The following TSHZ3 variants were observed in gnomAD, a reference collection of about 807,000 sequenced individuals.
The protein encoded by TSHZ3 is teashirt zinc finger homeobox 3, also known as teashirt homolog 3.
TSHZ3 carries 10 observed loss-of-function variants against 64.5 expected under a neutral mutation model. The observed-to-expected ratio is 0.16, with a 90% CI of 0.10 to 0.26. TSHZ3 has a LOEUF of 0.26. Among genes scored for constraint, TSHZ3 ranks in the 10% least tolerant of loss-of-function variants. TSHZ3 has a pLI of 1.00. For missense variants in TSHZ3, 1,242 were observed against 1,421.7 expected (o/e 0.87, Z 2.03); for synonymous variants, 608 against 593.1 (o/e 1.03, Z -0.36).
intron 1 of TSHZ3, among the ~76,000 whole-genome samples, chr19:31,337,008 T>C (rs1301456421): frequency 2.4e-5 from 3 of 125,456 alleles, no homozygotes. Flanking sequence ...TTTTTCTTTT[T>C]TTCTATTTTT....
At chr19:31,289,197 A>G (rs1236216091) in intron 1 of TSHZ3, among the ~76,000 whole-genome samples, 1 of 152,208 alleles carries the variant, frequency 6.6e-6, no homozygotes, top group African/African-American at 2.4e-5. Context: ...TCTGGGAGGC[A>G]CGGCCAGGGG....
chr19:31,198,197 T>C (rs1206966683), intron 5 of TSHZ3, among the ~76,000 whole-genome samples: 1 of 151,970 alleles, frequency 6.6e-6, no homozygotes, highest in Admixed American at 6.6e-5. Flanking sequence ...AGAATAAAAC[T>C]CACAAGACCA....
chr19:31,300,632 C>T (rs938554961), intron 1 of TSHZ3, among the ~76,000 whole-genome samples: 7 of 152,190 alleles, frequency 4.6e-5, no homozygotes, highest in Non-Finnish European at 7.3e-5. Context: ...CCAGGTCCCA[C>T]AGCGTGCATG....
intron 1 of TSHZ3, among the ~76,000 whole-genome samples, chr19:31,338,532 A>ATATTGTGC (rs1308390416): frequency 1.3e-5 from 2 of 148,528 alleles, no homozygotes; most frequent in East Asian, 4.0e-4. Flanking sequence ...TTTAATAGTT[A>ATATTGTGC]TATTGTGCTA....
Position 31,185,990 on chromosome 19 carries a change from C to T in TSHZ3, n.809+18966G>A, listed in dbSNP as rs906874550. Reference sequence around the variant, plus strand: ...ACAATGTTTCTGTGGCTCTCTGTTGCGCATAACCATAGGCCACTCATTTCT... The same window carrying T: ...ACAATGTTTCTGTGGCTCTCTGTTGTGCATAACCATAGGCCACTCATTTCT... On this transcript the variant is annotated intron_variant and non_coding_transcript_variant, in intron 5 of 6. Coordinates refer to the TSHZ3 transcript ENST00000651361. 8.5e-5 allele frequency among the ~76,000 whole-genome samples: 13 copies of T among 152,288 alleles called. No homozygotes were observed. The East Asian group carries it at 9.7e-4, about 11-fold the overall frequency.
intron 1 of TSHZ3, among the ~76,000 whole-genome samples, chr19:31,340,123 G>A (rs1467568367): frequency 1.3e-5 from 2 of 151,824 alleles, no homozygotes; most frequent in African/African-American, 4.8e-5. Flanking sequence ...TTAGCTCACT[G>A]CCAGGGTGGC....
intron 1 of TSHZ3, among the ~76,000 whole-genome samples, chr19:31,348,392 G>A (rs550732765): frequency 6.7e-6 from 1 of 149,878 alleles, no homozygotes; most frequent in East Asian, 2.0e-4. Flanking sequence ...TGTTTTCAAT[G>A]ATGCGTTTTC....
At chr19:31,239,519 T>C (rs1282638753) in intron 3 of TSHZ3, among the ~76,000 whole-genome samples, 1 of 152,200 alleles carries the variant, frequency 6.6e-6, no homozygotes, top group African/African-American at 2.4e-5. Context: ...ATTCTCACTT[T>C]CAGAAGCTAT....
chr19:31,153,650 CT>C (rs1272933995), intron 6 of TSHZ3, among the ~76,000 whole-genome samples: 1 of 152,172 alleles, frequency 6.6e-6, no homozygotes, highest in Non-Finnish European at 1.5e-5. Context: ...TATTTATTGT[CT>C]TCCAGAGCAA....
intron 1 of TSHZ3, among the ~76,000 whole-genome samples, chr19:31,309,585 A>G (rs1916397714): frequency 6.6e-6 from 1 of 152,232 alleles, no homozygotes; most frequent in Admixed American, 6.5e-5. Flanking sequence ...ACAGGGGTCA[A>G]GAAAGGCCTG....
chr19:31,323,350 T>G (rs556036657), intron 1 of TSHZ3, among the ~76,000 whole-genome samples: 1 of 152,170 alleles, frequency 6.6e-6, no homozygotes. Flanking sequence ...TTGGGGGCCT[T>G]TAAAAATCAG....
At chr19:31,257,412 G>C (rs890007412) in intron 1 of TSHZ3, among the ~76,000 whole-genome samples, 4 of 152,188 alleles carry the variant, frequency 2.6e-5, no homozygotes, top group African/African-American at 9.6e-5. Flanking sequence ...GTTTATTCCG[G>C]AACATGACCC....
chr19:31,164,630 A>T (rs927453223), intron 5 of TSHZ3, among the ~76,000 whole-genome samples: 1 of 152,108 alleles, frequency 6.6e-6, no homozygotes, highest in African/African-American at 2.4e-5. Context: ...TACACAAGTC[A>T]CACCGACCTC....
At chr19:31,170,663 G>A (rs539547824) in intron 5 of TSHZ3, among the ~76,000 whole-genome samples, 1 of 152,284 alleles carries the variant, frequency 6.6e-6, no homozygotes, top group Admixed American at 6.5e-5. Flanking sequence ...TTATGAATAG[G>A]AAATTAAAAG....
At chr19:31,286,131 A>C (rs933106539) in intron 1 of TSHZ3, among the ~76,000 whole-genome samples, 4 of 152,128 alleles carry the variant, frequency 2.6e-5, no homozygotes, top group African/African-American at 9.7e-5. Context: ...CACACATCTC[A>C]CTTTCCTTAC....
At chr19:31,340,106 C>T (rs950039004) in intron 1 of TSHZ3, among the ~76,000 whole-genome samples, 1 of 151,914 alleles carries the variant, frequency 6.6e-6, no homozygotes, top group African/African-American at 2.4e-5. Context: ...TCGCCCTCCC[C>T]CTTTCATTAG....
At chr19:31,234,701 G>T (rs962129226) in intron 3 of TSHZ3, among the ~76,000 whole-genome samples, 1 of 152,126 alleles carries the variant, frequency 6.6e-6, no homozygotes, top group Non-Finnish European at 1.5e-5. Flanking sequence ...ATTTTTCCAT[G>T]TTGGAACATC....
At chr19:31,329,223 C>G (rs1269072406) in intron 1 of TSHZ3, among the ~76,000 whole-genome samples, 2 of 152,236 alleles carry the variant, frequency 1.3e-5, no homozygotes, top group African/African-American at 4.8e-5. Flanking sequence ...ACTGCTTTGT[C>G]AACCCTAATT....
chr19:31,239,753 A>G (rs1482272721), intron 3 of TSHZ3, among the ~76,000 whole-genome samples: 1 of 151,932 alleles, frequency 6.6e-6, no homozygotes, highest in African/African-American at 2.4e-5. Flanking sequence ...CTAATTAAAA[A>G]AAAACAAATT....
Sources: allele counts gnomAD v4.1 joint callset (sites outside exome capture counted in the v4.1 genomes callset), GRCh38; gene constraint gnomAD v4.1.1; transcripts MANE v1.5; gene names NCBI Gene and HGNC (gene_info 2026-07-23, HGNC 2026-07-21).